TP63: variants seen among roughly 807,000 people sequenced by gnomAD.
TP63 encodes tumor protein 63.
TP63 carries 17 observed loss-of-function variants against 82.8 expected under a neutral mutation model. That is an observed-to-expected ratio of 0.21 (90% CI 0.14 to 0.31). TP63 has a LOEUF of 0.31. Among genes scored for constraint, TP63 ranks in the 10% least tolerant of loss-of-function variants. The probability of loss-of-function intolerance (pLI) is 1.00; values close to 1 mark genes in which losing one functional copy is unlikely to be tolerated. For synonymous variants in TP63, 330 were observed against 321.7 expected (o/e 1.03, Z -0.28); for missense variants, 648 against 895.3 (o/e 0.72, Z 3.52).
intron 1 of TP63, among the ~76,000 whole-genome samples, chr3:189,643,927 C>T (rs62291705): frequency 6.6e-6 from 1 of 152,106 alleles, no homozygotes; most frequent in Non-Finnish European, 1.5e-5. Flanking sequence ...ATTTACTGAC[C>T]TTTATGACAA....
intron 4 of TP63, among the ~76,000 whole-genome samples, chr3:189,846,129 T>C (rs1015872539): frequency 2.0e-5 from 3 of 151,998 alleles, no homozygotes; most frequent in African/African-American, 7.3e-5. Flanking sequence ...TCTTTTTTTT[T>C]CCCCCTTCTC....
At chr3:189,620,798 C>A in the TP63 span, among the ~76,000 whole-genome samples, 1 of 152,204 alleles carries the variant, frequency 6.6e-6, no homozygotes, top group Non-Finnish European at 1.5e-5. Context: ...ATGAGGCTGC[C>A]ATCAACTGTG....
At chr3:189,643,088 GC>G (rs1185298156) in intron 1 of TP63, among the ~76,000 whole-genome samples, 1 of 151,914 alleles carries the variant, frequency 6.6e-6, no homozygotes, top group East Asian at 1.9e-4. Context: ...TGCAACTTCT[GC>G]CTCCCGGGTT....
At position 189,682,580 on chromosome 3, in the gene TP63, A is replaced by T. The variant is rs889959303; in HGVS notation, c.62+51003A>T. On this transcript the variant is annotated intron_variant, in intron 1 of 13. Coordinates refer to ENST00000264731, the MANE Select transcript of TP63 (RefSeq NM_003722.5). ...TATATATATATATATATATATATAT[A>T]TATATATATATATATCCTATTCACA... is the stretch of plus-strand genomic sequence containing the variant. Among the ~76,000 whole-genome samples the T allele has an allele frequency of 5.8e-5, 6 of 104,018 alleles. 1 individual carries two copies. The highest frequency in any genetic ancestry group is 2.2e-4 in the African/African-American group (6 of 27,216). The allele number at this position is 104,018 out of a possible 152,430, so 68.2% of individuals were successfully genotyped here.
intron 3 of TP63, among the ~76,000 whole-genome samples, chr3:189,760,695 A>G (rs1405644511): frequency 6.6e-6 from 1 of 151,684 alleles, no homozygotes; most frequent in Non-Finnish European, 1.5e-5. Flanking sequence ...TCTTCTTACA[A>G]CTCCACTAGG....
At chr3:189,774,656 A>G (rs1020764217) in intron 3 of TP63, among the ~76,000 whole-genome samples, 4 of 152,220 alleles carry the variant, frequency 2.6e-5, no homozygotes, top group Non-Finnish European at 5.9e-5. Context: ...AGTTACCTGT[A>G]AATGAGATGA....
intron 1 of TP63, among the ~76,000 whole-genome samples, chr3:189,672,650 G>A (rs62290000): frequency 0.03 from 3,099 of 102,642 alleles, 41 homozygotes; most frequent in Non-Finnish European, 0.038. Context: ...GGGAGGGAGG[G>A]AGGAAGGAAG....
At chr3:189,771,265 G>A (rs1723316766) in intron 3 of TP63, among the ~76,000 whole-genome samples, 1 of 124,444 alleles carries the variant, frequency 8.0e-6, no homozygotes, top group African/African-American at 3.4e-5. Flanking sequence ...TTTTGATAAA[G>A]CTAAGACAAA....
intron 3 of TP63, among the ~76,000 whole-genome samples, chr3:189,807,414 G>C (rs1178230069): frequency 6.6e-6 from 1 of 152,184 alleles, no homozygotes; most frequent in African/African-American, 2.4e-5. Flanking sequence ...ATATGTTCTT[G>C]AGTACTTTTA....
chr3:189,602,843 A>G, the TP63 span, among the ~76,000 whole-genome samples: 1 of 152,176 alleles, frequency 6.6e-6, no homozygotes, highest in Non-Finnish European at 1.5e-5. Flanking sequence ...AGGCACAGGC[A>G]TCACTTTAAT....
At chr3:189,696,694 A>G (rs1046548495) in intron 1 of TP63, among the ~76,000 whole-genome samples, 1 of 152,124 alleles carries the variant, frequency 6.6e-6, no homozygotes, top group African/African-American at 2.4e-5. Context: ...CTGGCCCCAC[A>G]TCTTCACCAG....
intron 3 of TP63, among the ~76,000 whole-genome samples, chr3:189,777,564 A>G (rs919017256): frequency 1.3e-5 from 2 of 151,618 alleles, no homozygotes; most frequent in African/African-American, 4.9e-5. Flanking sequence ...TCTTAATTAG[A>G]TTCCTAAATG....
the TP63 span, among the ~76,000 whole-genome samples, chr3:189,615,381 T>C: frequency 6.6e-6 from 1 of 152,218 alleles, no homozygotes; most frequent in Non-Finnish European, 1.5e-5. Context: ...CTATTTAATG[T>C]CACGTAGGCT....
chr3:189,712,560 C>A (rs529948917), intron 1 of TP63, among the ~76,000 whole-genome samples: 2 of 152,138 alleles, frequency 1.3e-5, no homozygotes, highest in East Asian at 3.9e-4. Context: ...CTCTTTGAGG[C>A]CTTTTTTACA....
intron 1 of TP63, among the ~76,000 whole-genome samples, chr3:189,686,731 GTTTT>G (rs35520871): frequency 8.8e-6 from 1 of 114,250 alleles, no homozygotes; most frequent in African/African-American, 3.2e-5. Flanking sequence ...CAGGGGCAGG[GTTTT>G]TTTTTTTTTT....
intron 3 of TP63, among the ~76,000 whole-genome samples, chr3:189,788,778 A>G (rs1724826330): frequency 6.6e-6 from 1 of 152,070 alleles, no homozygotes; most frequent in Non-Finnish European, 1.5e-5. Flanking sequence ...ACAAAAGCCA[A>G]TTGATATCTT....
chr3:189,883,417 C>A (rs912189542), intron 10 of TP63, among the ~76,000 whole-genome samples: 39 of 152,190 alleles, frequency 2.6e-4, no homozygotes, highest in Non-Finnish European at 1.5e-4. Context: ...CCCCATTCAA[C>A]TGTTCACCCT....
chr3:189,866,751 C>A lies in TP63; in HGVS notation c.836C>A (p.Pro279His). 1 of 1,614,002 alleles carries A rather than the reference C, an allele frequency of 6.2e-7. No individual in the cohort carries two copies. Among genetic ancestry groups the A allele is most frequent in the Non-Finnish European group, 8.5e-7 (1 of 1,179,974 alleles). ...GNSHAQYVED[P>H]ITGRQSVLVP... ...AGCCATGCCCAGTATGTAGAAGATC[C>A]CATCACAGGAAGACAGAGTGTGCTG... The change falls in exon 6 of 14, where the codon CCC becomes CAC. Residue 279 changes from proline (P) to histidine (H), a missense_variant. By Grantham distance (77) the Pro-to-His change is moderately conservative. Coordinates refer to ENST00000264731, the MANE Select transcript of TP63 (RefSeq NM_003722.5).
rs376452216 is a variant in TP63, at chr3:189,783,212, G to C, written c.325-25060G>C. On this transcript the variant is annotated intron_variant, in intron 3 of 13. Coordinates refer to ENST00000264731, the MANE Select transcript of TP63 (RefSeq NM_003722.5). ...ATAATGCATTCAATGAACTGAGAAC[G>C]TACTCATTTTAGCAGATTAATTTCA... Among the ~76,000 whole-genome samples, 5 of 151,778 alleles carry C rather than the reference G, an allele frequency of 3.3e-5. No individual in the cohort carries two copies. The East Asian group carries it at 9.7e-4, about 29-fold the overall frequency.
Sources: allele counts gnomAD v4.1 joint callset (sites outside exome capture counted in the v4.1 genomes callset), GRCh38; gene constraint gnomAD v4.1.1; transcripts MANE v1.5; gene names NCBI Gene and HGNC (gene_info 2026-07-23, HGNC 2026-07-21).